The following SUMF1 variants were observed in gnomAD, a reference collection of about 807,000 sequenced individuals.
SUMF1 encodes sulfatase modifying factor 1.
Under a neutral mutation model 47.6 loss-of-function variants are expected in SUMF1, and 48 were observed. The observed-to-expected ratio is 1.01, with a 90% confidence interval of 0.80 to 1.28. The LOEUF is 1.28. Ranked by LOEUF, SUMF1 falls within the 50% of genes most tolerant of loss-of-function variation. The probability of loss-of-function intolerance (pLI) is 0.00; values close to 1 mark genes in which losing one functional copy is unlikely to be tolerated. For synonymous variants in SUMF1, 230 were observed against 192.1 expected, an observed-to-expected ratio of 1.20 and a Z score of -1.63; for missense variants, 571 against 485.4, an observed-to-expected ratio of 1.18 and a Z score of -1.66.
At chr3:4,452,742 T>G (rs1399289606) in intron 2 of SUMF1, 134 bp downstream of exon 2, 1 of 1,101,008 alleles carries the variant, frequency 9.1e-7, no homozygotes, top group Non-Finnish European at 1.4e-6. Flanking sequence ...AGATGAAATA[T>G]ATACAATAAA....
chr3:4,427,184 G>A (rs77661316), intron 3 of SUMF1, among the ~76,000 whole-genome samples: 113 of 152,342 alleles, frequency 7.4e-4, no homozygotes, highest in African/African-American at 2.5e-3. Flanking sequence ...ATACTCAAGT[G>A]TAAAGATGTC....
At chr3:4,105,876 T>C (rs1445224762) in intron 8 of SUMF1, among the ~76,000 whole-genome samples, 2 of 152,100 alleles carry the variant, frequency 1.3e-5, no homozygotes, top group African/African-American at 4.8e-5. Context: ...AACAATACAA[T>C]TATAAAATGA....
intron 8 of SUMF1, among the ~76,000 whole-genome samples, chr3:4,221,371 C>A (rs532892010): frequency 6.6e-6 from 1 of 151,564 alleles, no homozygotes; most frequent in East Asian, 1.9e-4. Flanking sequence ...TGCAACTTTT[C>A]ATGTACTTAA....
intron 8 of SUMF1, among the ~76,000 whole-genome samples, chr3:4,254,269 CT>C (rs1279042422): frequency 2.0e-5 from 3 of 151,864 alleles, no homozygotes; most frequent in Non-Finnish European, 4.4e-5. Context: ...TGGAGAATGA[CT>C]TTGACGAGCT....
At chr3:4,198,996 T>C (rs1695487619) in intron 8 of SUMF1, among the ~76,000 whole-genome samples, 1 of 152,188 alleles carries the variant, frequency 6.6e-6, no homozygotes, top group African/African-American at 2.4e-5. Context: ...TTAACAACTT[T>C]TTAAAGTGCA....
intron 3 of SUMF1, among the ~76,000 whole-genome samples, chr3:4,444,016 C>T (rs1029719673): frequency 2.6e-5 from 4 of 152,104 alleles, no homozygotes; most frequent in Admixed American, 2.0e-4. Context: ...CACCAACACA[C>T]AGTCTAGTGA....
intron 8 of SUMF1, among the ~76,000 whole-genome samples, chr3:4,242,442 G>A (rs778519399): frequency 6.6e-5 from 10 of 152,040 alleles, no homozygotes; most frequent in Non-Finnish European, 1.3e-4. Flanking sequence ...TTTGAGATAC[G>A]TTCCATCAAC....
intron 8 of SUMF1, among the ~76,000 whole-genome samples, chr3:4,259,147 A>G (rs967159918): frequency 6.6e-6 from 1 of 150,486 alleles, no homozygotes; most frequent in Non-Finnish European, 1.5e-5. Flanking sequence ...TAGCATTGGG[A>G]GATATACCTA....
At chr3:4,366,918 T>C (rs866975237) in intron 8 of SUMF1, among the ~76,000 whole-genome samples, 17 of 152,344 alleles carry the variant, frequency 1.1e-4, no homozygotes, top group Non-Finnish European at 1.8e-4. Context: ...TTTCTGTTTG[T>C]TAGTTTTCCT....
chr3:4,260,775 G>C (rs1697069293), intron 8 of SUMF1, among the ~76,000 whole-genome samples: 1 of 152,070 alleles, frequency 6.6e-6, no homozygotes, highest in African/African-American at 2.4e-5. Flanking sequence ...AGAGACTTAG[G>C]AGTTCAGTAA....
intron 8 of SUMF1, among the ~76,000 whole-genome samples, chr3:4,375,733 G>T (rs776852357): frequency 2.0e-5 from 3 of 152,076 alleles, no homozygotes; most frequent in Non-Finnish European, 4.4e-5. Context: ...AAAGGGAAGG[G>T]ATGGTATTCT....
chr3:4,376,230 T>G, intron 8 of SUMF1, 100 bp downstream of exon 8: 1 of 1,415,048 alleles, frequency 7.1e-7, no homozygotes, highest in Non-Finnish European at 1.0e-6. Flanking sequence ...AGGTAGGCAT[T>G]TGCAGAAGTG....
chr3:4,147,160 A>G lies in SUMF1; in HGVS notation c.1015-78415T>C, dbSNP rs868360663. Among the ~76,000 whole-genome samples the G allele has an allele frequency of 1.5e-3, 232 of 152,222 alleles. 1 individual carries two copies. Among genetic ancestry groups the G allele is most frequent in the Middle Eastern group, 3.4e-3 (1 of 294 alleles). The stretch of plus-strand genomic sequence containing the variant: ...GAATGGCGATCATTAAAAAGTCAGG[A>G]AACAACAGGTGCTGGAGAGGATGTG... On this transcript the variant is annotated intron_variant and NMD_transcript_variant, in intron 8 of 12. Transcript: ENST00000448413.
chr3:4,092,712 G>C (rs139013823), intron 8 of SUMF1, among the ~76,000 whole-genome samples: 1 of 152,116 alleles, frequency 6.6e-6, no homozygotes, highest in Admixed American at 6.5e-5. Flanking sequence ...TAGTGTGTGT[G>C]TATATCGGGG....
rs538573230 is a variant in SUMF1, at chr3:4,289,448, AGACT to A, written c.1014+86878_1014+86881del. ...AGTGTGGTGTAAATCGGTCACACAT[AGACT>A]GTCTGTTGAAGGGTGTTCTTACATT... On this transcript the variant is annotated intron_variant and NMD_transcript_variant, in intron 8 of 12. Transcript: ENST00000448413. Among the ~76,000 whole-genome samples the A allele has an allele frequency of 4.6e-4, 70 of 152,352 alleles. 2 individuals are homozygous for A. The highest frequency in any genetic ancestry group is 1.0e-3 in the South Asian group (5 of 4,828).
At chr3:4,384,963 CCA>C (rs1700625698) in intron 7 of SUMF1, among the ~76,000 whole-genome samples, 2 of 151,336 alleles carry the variant, frequency 1.3e-5, no homozygotes, top group Non-Finnish European at 2.9e-5. Flanking sequence ...TTGGGTCATT[CCA>C]ACCTCCACCT....
rs918274744 is a variant in SUMF1 at position 4,223,116 on chromosome 3, T to TA, written c.1014+153213dup. The stretch of plus-strand genomic sequence containing the variant: ...AATGTTCAACAAAGATATACCTTTT[T>TA]AAAAAAAAATACCTGACAAATAGAA... On this transcript the variant is annotated intron_variant and NMD_transcript_variant, in intron 8 of 12. Coordinates refer to the SUMF1 transcript ENST00000448413. Among the ~76,000 whole-genome samples the TA allele has an allele frequency of 1.6e-4, 24 of 151,646 alleles. 1 individual carries two copies. The highest frequency in any genetic ancestry group is 1.0e-3 in the South Asian group (5 of 4,806).
chr3:4,064,534 A>C (rs1356009985), intron 9 of SUMF1, among the ~76,000 whole-genome samples: 1 of 152,152 alleles, frequency 6.6e-6, no homozygotes, highest in African/African-American at 2.4e-5. Flanking sequence ...CTGCCTATGG[A>C]GTAGGCATTC....
chr3:4,155,544 G>A (rs1291168573), intron 8 of SUMF1, among the ~76,000 whole-genome samples: 1 of 151,406 alleles, frequency 6.6e-6, no homozygotes, highest in African/African-American at 2.5e-5. Flanking sequence ...TTCATGGTGA[G>A]AAAATAGCGG....
Sources: gnomAD v4.1 joint callset for allele counts (sites outside exome capture counted in the v4.1 genomes callset) on GRCh38, gnomAD v4.1.1 for gene constraint, MANE v1.5 for transcripts, NCBI Gene and HGNC (gene_info 2026-07-23, HGNC 2026-07-21) for gene names.